Variants in DUSP11 observed in about 807,000 individuals in gnomAD.
DUSP11 encodes the protein dual specificity phosphatase 11.
DUSP11 carries 27 observed loss-of-function variants against 41.4 expected under a neutral mutation model. The observed-to-expected ratio is 0.65, with a 90% CI of 0.48 to 0.90. The LOEUF (loss-of-function observed/expected upper bound fraction) is 0.90. Ranked by LOEUF, DUSP11 falls within the 40% of genes least tolerant of loss-of-function variation. The pLI, the probability that DUSP11 is intolerant of heterozygous loss-of-function variation, is 0.00. For missense variants in DUSP11, 465 were observed against 461.1 expected (o/e 1.01, Z -0.08); for synonymous variants, 188 against 159.3 (o/e 1.18, Z -1.35).
At chr2:73,762,733 C>T (rs1558531278) in exon 9 of DUSP11, 1 of 1,613,802 alleles carries the variant, frequency 6.2e-7, no homozygotes, top group Admixed American at 1.7e-5. Flanking sequence ...TTCTTCTATC[C>T]TGGGCTGCCC....
At position 73,766,461 on chromosome 2, in the gene DUSP11, G is replaced by A. The variant is rs199533069; in HGVS notation, c.892C>T (p.Arg298Ter). 9.9e-6 allele frequency: 16 copies of A among 1,613,860 alleles called. No homozygotes were observed. In the Admixed American group the frequency reaches 2.3e-4, roughly 24 times the overall value. ...CTTTGGGTCTGGGTGTGGAAATGTC[G>A]AGGAGCTGAGTGACCCTGGATCTGA... Residue 298 changes from arginine (R) to a stop codon, truncating the protein, a stop_gained, in exon 8 of 9, where the codon CGA (arginine) becomes TGA (stop). Coordinates refer to ENST00000272444, the Ensembl canonical transcript of DUSP11. LOFTEE classifies it low-confidence loss of function (END_TRUNC).
At chr2:73,773,660 C>G in intron 4 of DUSP11, 140 bp downstream of exon 4, 1 of 834,620 alleles carries the variant, frequency 1.2e-6, no homozygotes. Context: ...ACATCTTACC[C>G]TATTAGCACC....
At chr2:73,768,998 C>A in intron 5 of DUSP11, 12 of 286,028 alleles carry the variant, frequency 4.2e-5, no homozygotes, top group East Asian at 6.1e-5. Context: ...CAAGTATTTT[C>A]AAAGAAAGAT....
At chr2:73,764,798 T>A (rs1261418366) in intron 8 of DUSP11, among the ~76,000 whole-genome samples, 1 of 152,066 alleles carries the variant, frequency 6.6e-6, no homozygotes, top group Non-Finnish European at 1.5e-5. Flanking sequence ...GAAACCCCCA[T>A]CTCTACTAAA....
In DUSP11 at chr2:73,765,331, C is replaced by T. The variant is rs374823773; in HGVS notation, c.935+1087G>A. Among the ~76,000 whole-genome samples, 5 of 152,216 alleles carry T rather than the reference C, an allele frequency of 3.3e-5. No individual in the cohort carries two copies. The East Asian group carries it at 5.8e-4, about 18-fold the overall frequency. ...GCTTCATGGCCTCTGGACTTGAGGACTCATACCAGTGTCCTCCAACCCTTA... is the reference window on the plus strand; with the variant it reads ...GCTTCATGGCCTCTGGACTTGAGGATTCATACCAGTGTCCTCCAACCCTTA... On this transcript the variant is annotated intron_variant, in intron 8 of 8. Coordinates refer to ENST00000272444, the Ensembl canonical transcript of DUSP11.
intron 8 of DUSP11, among the ~76,000 whole-genome samples, chr2:73,765,174 G>A (rs898007860): frequency 2.6e-5 from 4 of 152,098 alleles, no homozygotes; most frequent in Non-Finnish European, 5.9e-5. Context: ...TCCACCCTCA[G>A]TTTGCGTAGG....
chr2:73,778,300 C>T lies in DUSP11; in HGVS notation c.318+1G>A. 2 of 1,572,424 alleles carry T rather than the reference C, an allele frequency of 1.3e-6. No individual in the cohort carries two copies. The highest frequency in any genetic ancestry group is 1.7e-6 in the Non-Finnish European group (2 of 1,162,952). On this transcript the variant is annotated splice_donor_variant, in intron 2 of 8. Transcript: ENST00000272444. LOFTEE classifies it high-confidence loss of function. The stretch of plus-strand genomic sequence containing the variant: ...AGAATACTGAATTAACTTTTGCTTA[C>T]CTTTTGCAAAGGAACTTTGAAAGCA...
chr2:73,774,926 T>C (rs199803291), exon 3 of DUSP11: 2 of 1,588,850 alleles, frequency 1.3e-6, no homozygotes, highest in East Asian at 2.3e-5. Context: ...TGGTTTATAA[T>C]AGCGTTGAGT....
intron 5 of DUSP11, chr2:73,767,481 A>G: frequency 3.3e-6 from 1 of 299,626 alleles, no homozygotes; most frequent in East Asian, 6.3e-5. Flanking sequence ...ATGCAGAATC[A>G]TTTTTTATCA....
Position 73,765,672 on chromosome 2 carries a change from C to T in DUSP11, c.935+746G>A, listed in dbSNP as rs901869416. Among the ~76,000 whole-genome samples, 13 of 152,290 alleles carry T rather than the reference C, an allele frequency of 8.5e-5. 1 individual carries two copies. Among genetic ancestry groups the T allele is most frequent in the African/African-American group, 3.1e-4 (13 of 41,568 alleles). ...ACCACTTTAACCATACTGAGGTCTT[C>T]CCCATTTTCCAAGTGAAAATACTTT... On this transcript the variant is annotated intron_variant, in intron 8 of 8. Transcript: ENST00000272444.
intron 5 of DUSP11, 103 bp downstream of exon 5, chr2:73,769,162 T>C: frequency 2.1e-6 from 2 of 935,762 alleles, no homozygotes; most frequent in Non-Finnish European, 3.3e-6. Flanking sequence ...TGCCTTCTAC[T>C]TCATGTATTT....
chr2:73,768,634 G>A, intron 5 of DUSP11: 2 of 985,362 alleles, frequency 2.0e-6, no homozygotes, highest in Non-Finnish European at 2.4e-6. Context: ...GTTCATCGGT[G>A]TGCAAAGAAC....
chr2:73,762,837 C>T, exon 9 of DUSP11: 1 of 1,581,910 alleles, frequency 6.3e-7, no homozygotes, highest in South Asian at 1.2e-5. Flanking sequence ...CTCTGGTAAA[C>T]ATGTGGATTC....
intron 5 of DUSP11, 129 bp downstream of exon 5, chr2:73,769,136 G>A (rs1337571301): frequency 8.8e-6 from 6 of 682,002 alleles, no homozygotes; most frequent in Admixed American, 8.5e-5. Context: ...GGTAATCTCT[G>A]GGTGGGGAGC....
At chr2:73,768,429 T>C in intron 5 of DUSP11, 1 of 983,698 alleles carries the variant, frequency 1.0e-6, no homozygotes. Flanking sequence ...CAGGAGATAT[T>C]TTCTGAATGA....
At chr2:73,778,369 C>A in exon 2 of DUSP11, 1 of 1,536,766 alleles carries the variant, frequency 6.5e-7, no homozygotes, top group Non-Finnish European at 8.7e-7. Context: ...GGGAGATAGT[C>A]TTTCCACCTA....
At position 73,763,480 on chromosome 2, in the gene DUSP11, T is replaced by C. The variant is rs1672400084; in HGVS notation, c.936-621A>G. The stretch of plus-strand genomic sequence containing the variant: ...GGCTCGCACTTGTAATCCCAGCACT[T>C]TGGGAGGCCAAGGCGGGCGGATCAC... On this transcript the variant is annotated intron_variant, in intron 8 of 8. Transcript: ENST00000272444. 1.3e-5 allele frequency among the ~76,000 whole-genome samples: 2 copies of C among 152,166 alleles called. 1 individual carries two copies. Among genetic ancestry groups the C allele is most frequent in the South Asian group, 4.1e-4 (2 of 4,828 alleles).
intron 4 of DUSP11, among the ~76,000 whole-genome samples, chr2:73,771,964 A>G (rs1245129720): frequency 6.7e-6 from 1 of 149,974 alleles, no homozygotes; most frequent in Non-Finnish European, 1.5e-5. Flanking sequence ...TGGACTACAG[A>G]TGCCTGCCAC....
intron 8 of DUSP11, among the ~76,000 whole-genome samples, chr2:73,764,225 A>G (rs1672415630): frequency 6.6e-6 from 1 of 152,336 alleles, no homozygotes; most frequent in South Asian, 2.1e-4. Flanking sequence ...CCAATTTTCA[A>G]TGCCGCAAGT....
Sources: gnomAD v4.1 joint callset for allele counts (sites outside exome capture counted in the v4.1 genomes callset) on GRCh38, gnomAD v4.1.1 for gene constraint, MANE v1.5 for transcripts, NCBI Gene and HGNC (gene_info 2026-07-23, HGNC 2026-07-21) for gene names.